The following ZNF438 variants were observed in gnomAD, a reference collection of about 807,000 sequenced individuals.
ZNF438 encodes zinc finger protein 438.
In ZNF438, 25 loss-of-function variants were observed where a neutral mutation model predicts 38.0. The ratio of observed to expected loss-of-function variants is 0.66; its 90% CI spans 0.48 to 0.92. ZNF438 has a LOEUF of 0.92. Ranked by LOEUF, ZNF438 falls within the 40% of genes least tolerant of loss-of-function variation. ZNF438 has a pLI of 0.00. For missense variants in ZNF438, 1,007 were observed against 999.6 expected, an observed-to-expected ratio of 1.01 and a Z score of -0.10; for synonymous variants, 372 against 364.1, an observed-to-expected ratio of 1.02 and a Z score of -0.25.
At chr10:30,890,314 T>C (rs969455166) in intron 3 of ZNF438, among the ~76,000 whole-genome samples, 10 of 152,246 alleles carry the variant, frequency 6.6e-5, no homozygotes, top group African/African-American at 2.4e-4. Flanking sequence ...GGAAAATATG[T>C]TCTAGCCTAG....
intron 3 of ZNF438, among the ~76,000 whole-genome samples, chr10:30,902,611 G>T (rs1474901300): frequency 1.3e-5 from 2 of 152,074 alleles, no homozygotes; most frequent in Non-Finnish European, 2.9e-5. Context: ...CACCAGATTA[G>T]CTAGACACAG....
intron 1 of ZNF438, among the ~76,000 whole-genome samples, chr10:31,013,391 T>G (rs2055904562): frequency 6.6e-6 from 1 of 151,858 alleles, no homozygotes; most frequent in South Asian, 2.1e-4. Flanking sequence ...AGCAGACCCT[T>G]CTCACTGCTG....
intron 4 of ZNF438, among the ~76,000 whole-genome samples, chr10:30,870,298 G>GA (rs113034358): frequency 0.04 from 5,989 of 151,540 alleles, 378 homozygotes; most frequent in African/African-American, 0.14. Context: ...CATGTGTGGA[G>GA]AAAAAAAAAG....
intron 5 of ZNF438, among the ~76,000 whole-genome samples, chr10:30,846,068 G>C (rs1310608961): frequency 6.6e-6 from 1 of 152,178 alleles, no homozygotes; most frequent in East Asian, 1.9e-4. Flanking sequence ...TGCTTTTCTA[G>C]AGTTTCTCCT....
chr10:30,966,628 C>T (rs184430101), intron 1 of ZNF438, among the ~76,000 whole-genome samples: 22 of 150,174 alleles, frequency 1.5e-4, no homozygotes, highest in Middle Eastern at 3.4e-3. Flanking sequence ...TGAGATTGCG[C>T]CACTGCACTC....
At chr10:30,914,418 C>A (rs1331023873) in intron 2 of ZNF438, among the ~76,000 whole-genome samples, 1 of 151,116 alleles carries the variant, frequency 6.6e-6, no homozygotes, top group Non-Finnish European at 1.5e-5. Flanking sequence ...AGAAGCTACA[C>A]ATGTGATAAA....
chr10:31,008,006 A>G (rs2055323058), intron 1 of ZNF438, among the ~76,000 whole-genome samples: 1 of 152,226 alleles, frequency 6.6e-6, no homozygotes, highest in Non-Finnish European at 1.5e-5. Flanking sequence ...CTTATTGCTA[A>G]TTAACTGATT....
intron 4 of ZNF438, among the ~76,000 whole-genome samples, chr10:30,853,297 C>A (rs576668485): frequency 6.6e-6 from 1 of 152,342 alleles, no homozygotes; most frequent in East Asian, 1.9e-4. Flanking sequence ...CATCATAGCA[C>A]AAGATCTATG....
chr10:31,010,968 A>T (rs1422495776), intron 1 of ZNF438, among the ~76,000 whole-genome samples: 2 of 150,972 alleles, frequency 1.3e-5, no homozygotes, highest in Non-Finnish European at 2.9e-5. Flanking sequence ...TATAATTAGA[A>T]CTATGTTAAC....
At chr10:30,859,374 A>G (rs1077725) in intron 4 of ZNF438, among the ~76,000 whole-genome samples, 119,188 of 152,198 alleles carry the variant, frequency 0.78, 47,618 homozygotes, top group African/African-American at 0.92. Flanking sequence ...CACTGTGCCC[A>G]GCCAAGTCTG....
intron 1 of ZNF438, among the ~76,000 whole-genome samples, chr10:31,024,601 C>G (rs1351269753): frequency 6.6e-6 from 1 of 151,754 alleles, no homozygotes; most frequent in Admixed American, 6.6e-5. Flanking sequence ...GCGCTCCAGC[C>G]TGAGCGACAG....
intron 1 of ZNF438, among the ~76,000 whole-genome samples, chr10:30,944,005 T>C (rs1178437080): frequency 6.6e-6 from 1 of 152,068 alleles, no homozygotes; most frequent in East Asian, 1.9e-4. Flanking sequence ...AAGGTCCAAA[T>C]GACATAAGGA....
At chr10:30,976,522 G>A (rs1043146312) in intron 1 of ZNF438, among the ~76,000 whole-genome samples, 25 of 152,168 alleles carry the variant, frequency 1.6e-4, no homozygotes, top group African/African-American at 5.8e-4. Context: ...CAGAAGGATC[G>A]CTTGAGGCCA....
At chr10:30,988,613 C>T (rs888113675) in intron 1 of ZNF438, among the ~76,000 whole-genome samples, 6 of 151,960 alleles carry the variant, frequency 3.9e-5, no homozygotes, top group Admixed American at 1.3e-4. Context: ...TATATTTACG[C>T]TATTTTTAAT....
chr10:30,891,067 A>G lies in ZNF438; in HGVS notation c.-31-14002T>C, dbSNP rs544901079. Among the ~76,000 whole-genome samples, 11 of 152,338 alleles carry G rather than the reference A, an allele frequency of 7.2e-5. No homozygotes were observed. The South Asian group carries it at 2.1e-3, about 29-fold the overall frequency. ...TATAATTTGCTTTTATTGTGGAAACAATGTTTATAAACTTCACAGTGAAGT... is the reference window on the plus strand; with the variant it reads ...TATAATTTGCTTTTATTGTGGAAACGATGTTTATAAACTTCACAGTGAAGT... On this transcript the variant is annotated intron_variant, in intron 3 of 5. Transcript: ENST00000413025.
intron 1 of ZNF438, among the ~76,000 whole-genome samples, chr10:30,948,988 G>A (rs11008309): frequency 0.054 from 8,187 of 152,182 alleles, 313 homozygotes; most frequent in Middle Eastern, 0.1. Flanking sequence ...AAATGTTAAC[G>A]GCAGCCAGAG....
At chr10:30,911,990 C>G (rs1339633971) in intron 2 of ZNF438, among the ~76,000 whole-genome samples, 1 of 152,126 alleles carries the variant, frequency 6.6e-6, no homozygotes. Flanking sequence ...TATTCCTTCT[C>G]TTGTTTATAT....
chr10:30,916,370 C>T (rs1267535021), intron 2 of ZNF438, among the ~76,000 whole-genome samples: 1 of 151,998 alleles, frequency 6.6e-6, no homozygotes, highest in Non-Finnish European at 1.5e-5. Context: ...ATAGTATTTT[C>T]AACAAATGTG....
chr10:30,872,714 C>T (rs575888002), intron 4 of ZNF438, among the ~76,000 whole-genome samples: 47 of 141,128 alleles, frequency 3.3e-4, no homozygotes, highest in Non-Finnish European at 5.9e-4. Context: ...CGCACCACTG[C>T]ACTCCAGCCT....
Sources: gnomAD v4.1 joint callset for allele counts (sites outside exome capture counted in the v4.1 genomes callset) on GRCh38, gnomAD v4.1.1 for gene constraint, MANE v1.5 for transcripts, NCBI Gene and HGNC (gene_info 2026-07-23, HGNC 2026-07-21) for gene names.